ARFGEF3: variants seen among roughly 807,000 people sequenced by gnomAD.
The protein encoded by ARFGEF3 is brefeldin A-inhibited guanine nucleotide-exchange protein 3.
Under a neutral mutation model 221.7 loss-of-function variants are expected in ARFGEF3, and 96 were observed. That is an observed-to-expected ratio of 0.43 (90% CI 0.37 to 0.51). The LOEUF (loss-of-function observed/expected upper bound fraction) is 0.51, where lower values mean the gene tolerates loss of function less well. Ranked by LOEUF, ARFGEF3 falls within the 20% of genes least tolerant of loss-of-function variation. The probability of loss-of-function intolerance (pLI) is 0.00; values close to 1 mark genes in which losing one functional copy is unlikely to be tolerated. For missense variants in ARFGEF3, 2,410 were observed against 2,789.9 expected, an observed-to-expected ratio of 0.86 and a Z score of 3.07; for synonymous variants, 1,145 against 1,126.8, an observed-to-expected ratio of 1.02 and a Z score of -0.32.
chr6:138,251,282 C>CGTTTTGTGATGCTA (rs1778577950), intron 8 of ARFGEF3, among the ~76,000 whole-genome samples: 1 of 152,080 alleles, frequency 6.6e-6, no homozygotes, highest in South Asian at 2.1e-4. Context: ...TAGTTGTTTT[C>CGTTTTGTGATGCTA]GTTTTGTGAT....
chr6:138,322,290 A>C (rs948281835), intron 29 of ARFGEF3, among the ~76,000 whole-genome samples: 3 of 152,120 alleles, frequency 2.0e-5, no homozygotes, highest in Non-Finnish European at 4.4e-5. Context: ...CAACTATACG[A>C]CTGGCTCAAG....
intron 3 of ARFGEF3, 100 bp from the exon 4 acceptor site, chr6:138,209,810 C>G (rs1163795375): frequency 9.7e-6 from 14 of 1,446,576 alleles, no homozygotes; most frequent in Non-Finnish European, 1.0e-5. Flanking sequence ...CTACACGCCT[C>G]CCCAGTAAGA....
chr6:138,295,407 G>T (rs987836017), intron 20 of ARFGEF3, among the ~76,000 whole-genome samples: 3 of 151,766 alleles, frequency 2.0e-5, no homozygotes, highest in Non-Finnish European at 4.4e-5. Context: ...ATCACCTGAG[G>T]TCAGGAGTTC....
At chr6:138,266,010 G>A (rs1272932569) in intron 12 of ARFGEF3, among the ~76,000 whole-genome samples, 1 of 152,036 alleles carries the variant, frequency 6.6e-6, no homozygotes, top group Non-Finnish European at 1.5e-5. Flanking sequence ...GAGCTCAGGA[G>A]TTTGAGACCA....
intron 12 of ARFGEF3, among the ~76,000 whole-genome samples, chr6:138,265,848 C>T (rs1778882587): frequency 6.6e-6 from 1 of 152,042 alleles, no homozygotes; most frequent in African/African-American, 2.4e-5. Flanking sequence ...GGCTGAAGTG[C>T]AGTGGCTCAG....
At chr6:138,204,846 A>G (rs1014139971) in intron 2 of ARFGEF3, among the ~76,000 whole-genome samples, 3 of 152,170 alleles carry the variant, frequency 2.0e-5, no homozygotes, top group Non-Finnish European at 4.4e-5. Flanking sequence ...CTAAACACTC[A>G]TATCTTTCAA....
intron 22 of ARFGEF3, 62 bp downstream of exon 22, chr6:138,298,847 GT>G: frequency 7.8e-7 from 1 of 1,280,666 alleles, no homozygotes; most frequent in South Asian, 1.3e-5. Flanking sequence ...GGCAGGCACG[GT>G]TCTATGAGCT....
intron 5 of ARFGEF3, among the ~76,000 whole-genome samples, chr6:138,233,673 G>A (rs71560663): frequency 5.8e-4 from 89 of 152,152 alleles, no homozygotes; most frequent in African/African-American, 1.9e-3. Context: ...CACCGTACCC[G>A]GCCAATACTT....
At chr6:138,260,044 T>C (rs1250066422) in intron 10 of ARFGEF3, among the ~76,000 whole-genome samples, 5 of 152,208 alleles carry the variant, frequency 3.3e-5, no homozygotes, top group Non-Finnish European at 7.3e-5. Context: ...AATACACTTA[T>C]CCTTCCAGCA....
At chr6:138,228,042 T>G (rs1778119691) in intron 4 of ARFGEF3, among the ~76,000 whole-genome samples, 1 of 152,140 alleles carries the variant, frequency 6.6e-6, no homozygotes, top group Non-Finnish European at 1.5e-5. Context: ...GTCCTCAGCT[T>G]TCATCCCTCC....
Position 138,227,067 on chromosome 6 carries a change from A to T in ARFGEF3, c.352-2717A>T, listed in dbSNP as rs182924598. On this transcript the variant is annotated intron_variant, in intron 4 of 33. Transcript: ENST00000251691. ...TGTTTTTTTTTTTTCCATATAGCTC[A>T]GTGAGTCTTTGACTATTGGTGGCCA... Among the ~76,000 whole-genome samples, 9 of 150,784 alleles carry T rather than the reference A, an allele frequency of 6.0e-5. No individual in the cohort carries two copies. The East Asian group carries it at 1.6e-3, about 26-fold the overall frequency.
intron 4 of ARFGEF3, among the ~76,000 whole-genome samples, chr6:138,223,934 A>G (rs921361918): frequency 6.6e-6 from 1 of 152,198 alleles, no homozygotes; most frequent in African/African-American, 2.4e-5. Flanking sequence ...ATAAGAGATT[A>G]TCTTATTTGT....
At chr6:138,286,449 CAAAAAAAAAA>C (rs960871572) in intron 15 of ARFGEF3, among the ~76,000 whole-genome samples, 1 of 56,550 alleles carries the variant, frequency 1.8e-5, no homozygotes, top group South Asian at 5.9e-4. Flanking sequence ...GACTCCGTCT[CAAAAAAAAAA>C]AAAAAAAGAA....
At chr6:138,202,231 C>A (rs954167046) in intron 2 of ARFGEF3, among the ~76,000 whole-genome samples, 1 of 152,140 alleles carries the variant, frequency 6.6e-6, no homozygotes, top group Non-Finnish European at 1.5e-5. Context: ...GAGGCAGCAT[C>A]TAGAAAGATC....
chr6:138,331,428 T>C (rs1780225289), intron 32 of ARFGEF3, among the ~76,000 whole-genome samples: 1 of 152,216 alleles, frequency 6.6e-6, no homozygotes, highest in Non-Finnish European at 1.5e-5. Flanking sequence ...GAAGATGAGT[T>C]AGACCTGTGG....
chr6:138,236,030 A>G (rs1778280046), intron 5 of ARFGEF3, among the ~76,000 whole-genome samples: 2 of 152,246 alleles, frequency 1.3e-5, no homozygotes, highest in African/African-American at 4.8e-5. Context: ...AAAAGAATAC[A>G]TTAGATATTT....
chr6:138,166,286 T>G (rs1290299582), intron 1 of ARFGEF3, among the ~76,000 whole-genome samples: 1 of 152,228 alleles, frequency 6.6e-6, no homozygotes, highest in South Asian at 2.1e-4. Context: ...TTTAGAATGT[T>G]GCAAATAATG....
chr6:138,201,824 A>AT (rs796156649), intron 2 of ARFGEF3, among the ~76,000 whole-genome samples: 4 of 151,900 alleles, frequency 2.6e-5, no homozygotes, highest in African/African-American at 7.3e-5. Flanking sequence ...TTACGAACAA[A>AT]TTTTTTTTTA....
At chr6:138,179,610 G>A (rs1227162852) in intron 2 of ARFGEF3, among the ~76,000 whole-genome samples, 2 of 152,062 alleles carry the variant, frequency 1.3e-5, no homozygotes, top group African/African-American at 4.8e-5. Flanking sequence ...CTTGACGTGG[G>A]GACCTACTGA....
Sources: gnomAD v4.1 joint callset for allele counts (sites outside exome capture counted in the v4.1 genomes callset) on GRCh38, gnomAD v4.1.1 for gene constraint, MANE v1.5 for transcripts, NCBI Gene and HGNC (gene_info 2026-07-23, HGNC 2026-07-21) for gene names.